SUPT3H: variants seen among roughly 807,000 people sequenced by gnomAD.
SUPT3H encodes the protein SPT3 homolog, SAGA and STAGA complex component.
In SUPT3H, 44 loss-of-function variants were observed where a neutral mutation model predicts 44.3. The observed-to-expected ratio is 0.99, with a 90% CI of 0.78 to 1.28. The LOEUF (loss-of-function observed/expected upper bound fraction) is 1.28, where lower values mean the gene tolerates loss of function less well. SUPT3H is among the 50% of genes most tolerant of loss of function. The pLI is 0.00. For missense variants in SUPT3H, 380 were observed against 387.1 expected, an observed-to-expected ratio of 0.98 and a Z score of 0.15; for synonymous variants, 124 against 125.6, an observed-to-expected ratio of 0.99 and a Z score of 0.09.
intron 2 of SUPT3H, among the ~76,000 whole-genome samples, chr6:45,239,428 T>C (rs1769865045): frequency 6.6e-6 from 1 of 152,228 alleles, no homozygotes; most frequent in South Asian, 2.1e-4. Context: ...CAGCATTACC[T>C]GGAAAGAAGC....
intron 3 of SUPT3H, among the ~76,000 whole-genome samples, chr6:45,088,703 T>G (rs1796777123): frequency 6.6e-6 from 1 of 151,982 alleles, no homozygotes; most frequent in South Asian, 2.1e-4. Flanking sequence ...GAGTCACATC[T>G]AGAACAGTGA....
intron 10 of SUPT3H, among the ~76,000 whole-genome samples, chr6:44,922,104 T>C (rs563065192): frequency 1.3e-5 from 2 of 152,360 alleles, no homozygotes; most frequent in East Asian, 1.9e-4. Context: ...GACTGACATA[T>C]GGACTATGAA....
intron 2 of SUPT3H, among the ~76,000 whole-genome samples, chr6:45,127,179 T>C (rs1164132069): frequency 6.6e-6 from 1 of 152,004 alleles, no homozygotes. Flanking sequence ...CTGGGTGCAG[T>C]GGCGTGTGTC....
intron 6 of SUPT3H, among the ~76,000 whole-genome samples, chr6:44,971,573 G>A (rs544770648): frequency 4.6e-5 from 7 of 152,236 alleles, no homozygotes; most frequent in Middle Eastern, 3.4e-3. Context: ...AAGCATGGGG[G>A]TAACTGCCCC....
chr6:45,175,575 G>C (rs1397679471), intron 2 of SUPT3H, among the ~76,000 whole-genome samples: 1 of 152,138 alleles, frequency 6.6e-6, no homozygotes, highest in African/African-American at 2.4e-5. Context: ...AAATGGAAGA[G>C]GTTTGGGTCT....
rs1562882150 is a variant in SUPT3H at position 45,288,559 on chromosome 6, ATATATG to A, written c.101+76636_101+76641del. 7.6e-4 allele frequency among the ~76,000 whole-genome samples: 15 copies of A among 19,612 alleles called. No homozygotes were observed. The East Asian group carries it at 8.2e-3, about 11-fold the overall frequency. 12.9% of individuals were successfully genotyped at this position (19,612 alleles called of 152,430 possible). A position where few individuals can be genotyped will look rare whatever the true frequency, so the allele number is the denominator to read the frequency against. On this transcript the variant is annotated intron_variant, in intron 2 of 10. Coordinates refer to ENST00000371459, the MANE Select transcript of SUPT3H (RefSeq NM_003599.4). Reference sequence around the variant, plus strand: ...TGTGTGTGTGTGTGTATATATATATATATATGTATATATATATATATATGTATATAT... The same window carrying A: ...TGTGTGTGTGTGTGTATATATATATATATATATATATATATATGTATATAT...
At chr6:44,900,173 G>A (rs1764745002) in intron 10 of SUPT3H, among the ~76,000 whole-genome samples, 1 of 152,204 alleles carries the variant, frequency 6.6e-6, no homozygotes, top group South Asian at 2.1e-4. Context: ...CGTAAAGTGG[G>A]TGCAGGACAG....
At chr6:45,132,121 C>T (rs1160666720) in intron 2 of SUPT3H, among the ~76,000 whole-genome samples, 3 of 152,166 alleles carry the variant, frequency 2.0e-5, no homozygotes, top group Non-Finnish European at 4.4e-5. Flanking sequence ...CCATAGTTGA[C>T]AGCAGGTAAC....
chr6:45,160,435 T>C (rs1052033897), intron 2 of SUPT3H, among the ~76,000 whole-genome samples: 9 of 152,086 alleles, frequency 5.9e-5, no homozygotes, highest in Non-Finnish European at 1.3e-4. Context: ...AAGTACTACA[T>C]CCACAGTCAA....
intron 10 of SUPT3H, among the ~76,000 whole-genome samples, chr6:44,891,075 C>G (rs1032550546): frequency 6.6e-6 from 1 of 151,920 alleles, no homozygotes; most frequent in Non-Finnish European, 1.5e-5. Flanking sequence ...ACATGTATAC[C>G]TATGTAACAA....
intron 2 of SUPT3H, among the ~76,000 whole-genome samples, chr6:45,333,939 A>C (rs1788031305): frequency 6.6e-6 from 1 of 151,336 alleles, no homozygotes; most frequent in African/African-American, 2.4e-5. Context: ...CCACAAAACA[A>C]GGAAATCTCT....
intron 9 of SUPT3H, 61 bp downstream of exon 9, chr6:44,953,249 T>C: frequency 7.8e-7 from 1 of 1,276,222 alleles, no homozygotes; most frequent in Non-Finnish European, 1.1e-6. Flanking sequence ...ATCACTAATG[T>C]AAATACCAGA....
chr6:45,033,817 G>T (rs187989582), intron 3 of SUPT3H, among the ~76,000 whole-genome samples: 1 of 152,124 alleles, frequency 6.6e-6, no homozygotes, highest in South Asian at 2.1e-4. Context: ...TTAGTGTTCA[G>T]TTAGATACTA....
At chr6:45,234,514 G>A (rs773000873) in intron 2 of SUPT3H, among the ~76,000 whole-genome samples, 1 of 129,116 alleles carries the variant, frequency 7.7e-6, no homozygotes, top group Non-Finnish European at 1.6e-5. Context: ...CTGGGAGACA[G>A]AACGAGACGC....
chr6:45,299,515 A>G (rs2149914266), intron 2 of SUPT3H, among the ~76,000 whole-genome samples: 1 of 152,302 alleles, frequency 6.6e-6, no homozygotes, highest in East Asian at 1.9e-4. Context: ...TAAAAGTTCA[A>G]TTTTATTTAT....
chr6:44,954,421 A>C lies in SUPT3H; in HGVS notation c.693+74T>G. The C allele has an allele frequency of 5.8e-6, 6 of 1,028,374 alleles. No individual in the cohort carries two copies. In the South Asian group the frequency reaches 7.6e-5, roughly 13 times the overall value. 63.7% of individuals were successfully genotyped at this position (1,028,374 alleles called of 1,614,324 possible). On this transcript the variant is annotated intron_variant, in intron 8 of 10. Transcript: ENST00000371459. ...TATTACTGGTAGAGCAGCAGGGAGAAGAAGAATTGATCATGGGCAGAGATA... is the reference window on the plus strand; with the variant it reads ...TATTACTGGTAGAGCAGCAGGGAGACGAAGAATTGATCATGGGCAGAGATA...
intron 2 of SUPT3H, chr6:45,159,212 A>G (rs1808526078): frequency 6.6e-6 from 1 of 152,194 alleles, no homozygotes; most frequent in Non-Finnish European, 1.5e-5. Context: ...CTTACTGTCA[A>G]TGCAGCAGAC....
At chr6:45,114,043 G>A (rs1395054809) in intron 2 of SUPT3H, among the ~76,000 whole-genome samples, 1 of 151,548 alleles carries the variant, frequency 6.6e-6, no homozygotes, top group African/African-American at 2.4e-5. Flanking sequence ...TATATAAAAA[G>A]CAAAATTAAA....
intron 3 of SUPT3H, among the ~76,000 whole-genome samples, chr6:45,023,668 C>T (rs890520603): frequency 1.4e-4 from 21 of 152,114 alleles, no homozygotes; most frequent in African/African-American, 5.1e-4. Context: ...AAACAGAAAA[C>T]CAAATACTGC....
Sources: allele counts gnomAD v4.1 joint callset (sites outside exome capture counted in the v4.1 genomes callset), GRCh38; gene constraint gnomAD v4.1.1; transcripts MANE v1.5; gene names NCBI Gene and HGNC (gene_info 2026-07-23, HGNC 2026-07-21).